Variants in PLCL1 observed in about 807,000 individuals in gnomAD.
PLCL1 encodes the protein inactive phospholipase C-like protein 1.
A neutral mutation model predicts 84.4 loss-of-function variants in PLCL1; 41 were observed. The observed-to-expected ratio is 0.49, with a 90% CI of 0.38 to 0.63. PLCL1 has a LOEUF of 0.63. Among genes scored for constraint, PLCL1 ranks in the 30% least tolerant of loss-of-function variants. The pLI is 0.00. For missense variants in PLCL1, 1,206 were observed against 1,367.8 expected, an observed-to-expected ratio of 0.88 and a Z score of 1.87; for synonymous variants, 490 against 488.3, an observed-to-expected ratio of 1.00 and a Z score of -0.05.
chr2:198,052,192 G>A (rs1453631652), intron 1 of PLCL1, among the ~76,000 whole-genome samples: 4 of 151,676 alleles, frequency 2.6e-5, no homozygotes, highest in Non-Finnish European at 4.4e-5. Context: ...GATTACAGGC[G>A]TGAGCCACCG....
intron 1 of PLCL1, among the ~76,000 whole-genome samples, chr2:198,002,198 G>T (rs1690617967): frequency 6.6e-6 from 1 of 152,110 alleles, no homozygotes; most frequent in Non-Finnish European, 1.5e-5. Context: ...GTGTCCTATT[G>T]TACCCCACAA....
intron 1 of PLCL1, among the ~76,000 whole-genome samples, chr2:198,055,860 T>C (rs1282328647): frequency 6.6e-6 from 1 of 152,176 alleles, no homozygotes; most frequent in Non-Finnish European, 1.5e-5. Flanking sequence ...ATCACCGTGA[T>C]CAGCGGTCAC....
At chr2:198,087,129 C>T (rs909561651) in intron 2 of PLCL1, among the ~76,000 whole-genome samples, 5 of 152,094 alleles carry the variant, frequency 3.3e-5, no homozygotes, top group African/African-American at 1.2e-4. Flanking sequence ...ATTGAAAGAA[C>T]ATGGGTTCTT....
intron 1 of PLCL1, among the ~76,000 whole-genome samples, chr2:197,935,086 C>G (rs1037201960): frequency 3.3e-5 from 5 of 152,006 alleles, no homozygotes; most frequent in African/African-American, 1.2e-4. Context: ...CAACGAGATA[C>G]CATCTTACAC....
At chr2:197,926,437 T>C (rs1267144292) in intron 1 of PLCL1, among the ~76,000 whole-genome samples, 1 of 152,230 alleles carries the variant, frequency 6.6e-6, no homozygotes. Context: ...CTTTATGCAA[T>C]GTTTCCCATA....
intron 1 of PLCL1, among the ~76,000 whole-genome samples, chr2:197,923,212 C>A (rs1374594038): frequency 3.5e-5 from 5 of 143,672 alleles, no homozygotes; most frequent in South Asian, 2.2e-4. Flanking sequence ...GGGGGCTGAC[C>A]CCCCACCTCC....
chr2:197,899,924 C>T (rs1688231397), intron 1 of PLCL1, among the ~76,000 whole-genome samples: 1 of 152,118 alleles, frequency 6.6e-6, no homozygotes. Flanking sequence ...CGTGAGCCAC[C>T]GCGCCCGGCC....
intron 1 of PLCL1, among the ~76,000 whole-genome samples, chr2:197,865,649 G>A (rs1266320091): frequency 6.6e-6 from 1 of 152,134 alleles, no homozygotes; most frequent in African/African-American, 2.4e-5. Context: ...TAATTAGCAC[G>A]TTAAGTTAGA....
intron 1 of PLCL1, among the ~76,000 whole-genome samples, chr2:198,001,745 C>A (rs183210869): frequency 6.6e-6 from 1 of 152,090 alleles, no homozygotes; most frequent in African/African-American, 2.4e-5. Flanking sequence ...GGTGGGCAAG[C>A]GAGCTAAGCT....
chr2:197,844,106 A>G (rs1687071146), intron 1 of PLCL1, among the ~76,000 whole-genome samples: 2 of 152,206 alleles, frequency 1.3e-5, no homozygotes, highest in Middle Eastern at 6.8e-3. Context: ...ACTATTTTTT[A>G]TTTTTGGCAA....
At chr2:197,836,746 A>T (rs1691200004) in intron 1 of PLCL1, among the ~76,000 whole-genome samples, 1 of 152,110 alleles carries the variant, frequency 6.6e-6, no homozygotes. Context: ...TTTTTTAGAG[A>T]TGGGTTCTCT....
Position 197,853,779 on chromosome 2 carries a change from A to C in PLCL1, c.240+48440A>C, listed in dbSNP as rs1308509494. ...TACCCAAGCTATATTGCCCCATTTT[A>C]TGCTTTTATGGCACCTCTATCATTG... On this transcript the variant is annotated intron_variant, in intron 1 of 5. Transcript: ENST00000428675. 2.6e-5 allele frequency among the ~76,000 whole-genome samples: 4 copies of C among 152,034 alleles called. No individual in the cohort carries two copies. In the South Asian group the frequency reaches 8.3e-4, roughly 31 times the overall value.
intron 1 of PLCL1, among the ~76,000 whole-genome samples, chr2:198,066,575 C>CT (rs1408222832): frequency 6.6e-6 from 1 of 152,216 alleles, no homozygotes; most frequent in African/African-American, 2.4e-5. Context: ...AATCCATTCT[C>CT]TAGCAGCTAG....
intron 1 of PLCL1, among the ~76,000 whole-genome samples, chr2:197,904,511 T>A (rs1279239018): frequency 1.3e-5 from 2 of 152,190 alleles, no homozygotes; most frequent in Non-Finnish European, 2.9e-5. Context: ...TTCTTGGCAA[T>A]ACACTGAGCA....
intron 1 of PLCL1, among the ~76,000 whole-genome samples, chr2:198,024,265 G>A (rs1691209530): frequency 6.6e-6 from 1 of 152,138 alleles, no homozygotes; most frequent in Non-Finnish European, 1.5e-5. Context: ...CAGGCAAGGG[G>A]AGGGATAGCA....
At chr2:198,024,655 C>A (rs567702011) in intron 1 of PLCL1, among the ~76,000 whole-genome samples, 27 of 152,024 alleles carry the variant, frequency 1.8e-4, no homozygotes, top group East Asian at 5.8e-4. Flanking sequence ...CCCTGCTACT[C>A]CAGAGGCTAA....
chr2:198,061,165 A>G (rs1692190298), intron 1 of PLCL1, among the ~76,000 whole-genome samples: 1 of 152,204 alleles, frequency 6.6e-6, no homozygotes, highest in African/African-American at 2.4e-5. Flanking sequence ...TTAGGAACTC[A>G]GTGTGTGGGA....
Position 198,085,782 on chromosome 2 carries a change from C to A in PLCL1, c.2265C>A (p.His755Gln). The A allele has an allele frequency of 6.2e-7, 1 of 1,613,962 alleles. No homozygotes were observed. The highest frequency in any genetic ancestry group is 8.5e-7 in the Non-Finnish European group (1 of 1,179,838). Residue 755 changes from histidine (H) to glutamine (Q), a missense_variant, in exon 2 of 6, where the codon CAC (histidine) becomes CAA (glutamine). Physicochemically the swap from His to Gln is conservative, Grantham distance 24. Transcript: ENST00000428675. The surrounding 1 kb of genome is among the most constrained non-coding windows in gnomAD (Gnocchi z 5.3). Reference protein sequence around the residue: ...VIDPYVCIEIHGIPADCSEQR... With the variant: ...VIDPYVCIEIQGIPADCSEQR... ...ATCCCTATGTTTGTATAGAGATACA[C>A]GGAATTCCAGCGGATTGTTCGGAAC...
intron 1 of PLCL1, among the ~76,000 whole-genome samples, chr2:197,825,719 A>G (rs1194505278): frequency 6.6e-6 from 1 of 152,192 alleles, no homozygotes; most frequent in Non-Finnish European, 1.5e-5. Flanking sequence ...AAGAGGACAC[A>G]GATTTGAGAA....
Sources: gnomAD v4.1 joint callset for allele counts (sites outside exome capture counted in the v4.1 genomes callset) on GRCh38, gnomAD v4.1.1 for gene constraint, Gnocchi (gnomAD v3.1) non-coding constraint, MANE v1.5 for transcripts, NCBI Gene and HGNC (gene_info 2026-07-23, HGNC 2026-07-21) for gene names.